The following ATP8B2 variants were observed in gnomAD, a reference collection of about 807,000 sequenced individuals.
ATP8B2 encodes the protein ATPase phospholipid transporting 8B2.
ATP8B2 carries 70 observed loss-of-function variants against 133.4 expected under a neutral mutation model. The observed-to-expected ratio is 0.52, with a 90% CI of 0.43 to 0.64. ATP8B2 has a LOEUF of 0.64. ATP8B2 is among the 30% of genes least tolerant of loss of function. The pLI, the probability that ATP8B2 is intolerant of heterozygous loss-of-function variation, is 0.00. For missense variants in ATP8B2, 1,101 were observed against 1,535.7 expected (o/e 0.72, Z 4.73); for synonymous variants, 517 against 589.5 (o/e 0.88, Z 1.78).
Position 154,345,096 on chromosome 1 carries a change from C to T in ATP8B2, c.2412C>T (p.Tyr804=), listed in dbSNP as rs879066640. Residue 804 remains tyrosine, a synonymous_variant, in exon 22 of 28, where the codon TAC becomes TAT. Coordinates refer to ENST00000368489, the MANE Select transcript of ATP8B2 (RefSeq NM_001370597.1). The surrounding 1 kb of genome is among the most constrained non-coding windows in gnomAD (Gnocchi z 5.6). ...AGGTGGTAGAACTGGTCAAGAAGTA[C>T]AAGAAGGCTGTGACGCTTGCCATTG... ...KAQVVELVKK[Y]KKAVTLAIGD... 13 of 1,614,082 alleles carry T rather than the reference C, an allele frequency of 8.1e-6. No homozygotes were observed. The South Asian group carries it at 1.3e-4, about 16-fold the overall frequency.
At chr1:154,338,023 C>T (rs932167880) in intron 12 of ATP8B2, among the ~76,000 whole-genome samples, 4 of 152,142 alleles carry the variant, frequency 2.6e-5, no homozygotes, top group African/African-American at 4.8e-5. Flanking sequence ...ATGGATAGGT[C>T]GAGGAGGGGA....
Position 154,332,600 on chromosome 1 carries a change from G to T in ATP8B2, c.510-18G>T. On this transcript the variant is annotated intron_variant, in intron 8 of 27. Transcript: ENST00000368489. ...AGGATGAGGAGGGAGCGGGGACTCA[G>T]AGATACTGTCCTTCCAGCGAGACCA... 6.4e-7 allele frequency: 1 copy of T among 1,569,470 alleles called. No homozygotes were observed. The highest frequency in any genetic ancestry group is 8.7e-7 in the Non-Finnish European group (1 of 1,153,872).
In ATP8B2 at chr1:154,345,635, TA is replaced by T; in HGVS notation, c.2694+91del. 1 of 1,372,324 alleles carries T rather than the reference TA, an allele frequency of 7.3e-7. No homozygotes were observed. The highest frequency in any genetic ancestry group is 1.0e-6 in the Non-Finnish European group (1 of 984,454). 85.0% of individuals were successfully genotyped at this position (1,372,324 alleles called of 1,614,324 possible). A position where few individuals can be genotyped will look rare whatever the true frequency, so the allele number is the denominator to read the frequency against. On this transcript the variant is annotated intron_variant, in intron 23 of 27. Transcript: ENST00000368489. The surrounding 1 kb of genome is among the most constrained non-coding windows in gnomAD (Gnocchi z 5.6). ...GTTTATCACTCAGTCCCCCAGGGCC[TA>T]GCTATTTTCTGGTACATACTCTTAA...
intron 13 of ATP8B2, chr1:154,341,387 G>A (rs1291850229): frequency 2.6e-6 from 1 of 388,578 alleles, no homozygotes; most frequent in Non-Finnish European, 4.9e-6. Flanking sequence ...CAGTGACTCA[G>A]GAGGCTGAGA....
In ATP8B2 at chr1:154,334,198, G is replaced by A. The variant is rs766500819; in HGVS notation, c.681G>A (p.Gln227=). The A allele has an allele frequency of 8.1e-6, 13 of 1,614,216 alleles. No homozygotes were observed. The highest frequency in any genetic ancestry group is 1.0e-5 in the Non-Finnish European group (12 of 1,180,050). ...WKENKFPLSN[Q]NMLLRGCVLR... Reference sequence around the variant, plus strand: ...AAAATAAGTTCCCTCTGAGCAACCAGAACATGCTGCTGCGGGGCTGTGTGC... The same window carrying A: ...AAAATAAGTTCCCTCTGAGCAACCAAAACATGCTGCTGCGGGGCTGTGTGC... The change falls in exon 10 of 28, where the codon CAG becomes CAA. Residue 227 remains glutamine, a synonymous_variant. Coordinates refer to ENST00000368489, the MANE Select transcript of ATP8B2 (RefSeq NM_001370597.1). This position sits in a 1 kb window ranked among gnomAD's most constrained non-coding sequence, Gnocchi z 4.6.
chr1:154,330,307 T>C, intron 2 of ATP8B2, 89 bp from the exon 3 acceptor site: 1 of 1,174,396 alleles, frequency 8.5e-7, no homozygotes, highest in South Asian at 1.3e-5. Flanking sequence ...TAAAATGATA[T>C]TCTGTGGAAA....
Position 154,345,248 on chromosome 1 carries a change from G to T in ATP8B2, c.2471-74G>T. On this transcript the variant is annotated intron_variant, in intron 22 of 27. Transcript: ENST00000368489. This position sits in a 1 kb window ranked among gnomAD's most constrained non-coding sequence, Gnocchi z 5.6. ...ACTGCAGAAGAATGACGGGAAGGGG[G>T]TTGTAACTTGGTAGGCTCTAAAGTG... is the stretch of plus-strand genomic sequence containing the variant. 6.2e-7 allele frequency: 1 copy of T among 1,603,002 alleles called. No individual in the cohort carries two copies. The highest frequency in any genetic ancestry group is 1.1e-5 in the South Asian group (1 of 90,354).
chr1:154,340,488 C>T lies in ATP8B2; in HGVS notation c.1035-366C>T, dbSNP rs188434855. The stretch of plus-strand genomic sequence containing the variant: ...TTCTCTCTCTCTTTTCTCTCCCCTC[C>T]CTCTGGCACTTTCTCTTGTTTTTCT... On this transcript the variant is annotated intron_variant, in intron 12 of 27. Transcript: ENST00000368489. This position sits in a 1 kb window ranked among gnomAD's most constrained non-coding sequence, Gnocchi z 4.0. 3.9e-4 allele frequency: 88 copies of T among 227,870 alleles called. No homozygotes were observed. The highest frequency in any genetic ancestry group is 1.7e-3 in the African/African-American group (75 of 43,348). 14.1% of individuals were successfully genotyped at this position (227,870 alleles called of 1,614,324 possible). A position where few individuals can be genotyped will look rare whatever the true frequency, so the allele number is the denominator to read the frequency against.
chr1:154,337,278 A>G lies in ATP8B2; in HGVS notation c.838-70A>G, dbSNP rs573488323. On this transcript the variant is annotated intron_variant, in intron 11 of 27. Transcript: ENST00000368489. Reference sequence around the variant, plus strand: ...TTTTGAGGGCTCAAGGGATGAATACATCACAGATGCACTTGGTTTTGAGGG... The same window carrying G: ...TTTTGAGGGCTCAAGGGATGAATACGTCACAGATGCACTTGGTTTTGAGGG... 7.8e-6 allele frequency: 12 copies of G among 1,534,164 alleles called. No individual in the cohort carries two copies. The African/African-American group carries it at 1.5e-4, about 19-fold the overall frequency.
intron 12 of ATP8B2, chr1:154,337,790 C>G: frequency 1.4e-6 from 2 of 1,403,014 alleles, no homozygotes; most frequent in Non-Finnish European, 1.9e-6. Flanking sequence ...TATTACATGC[C>G]TACTGTGTAC....
At chr1:154,348,688 G>T in intron 27 of ATP8B2, 150 bp downstream of exon 27, 1 of 1,389,524 alleles carries the variant, frequency 7.2e-7, no homozygotes, top group East Asian at 2.5e-5. Context: ...CTGTGCAGCT[G>T]GCCACAGAGG....
At chr1:154,329,254 G>A (rs917768185) in intron 2 of ATP8B2, among the ~76,000 whole-genome samples, 3 of 152,150 alleles carry the variant, frequency 2.0e-5, no homozygotes, top group Non-Finnish European at 2.9e-5. Context: ...TGGTGATTGC[G>A]CAGGGGACTT....
rs1480972424 is a variant in ATP8B2 at position 154,343,221 on chromosome 1, A to G, written c.1562A>G (p.His521Arg). ...CGCACCCCCAAAACAATCACCGTCC[A>G]TGAGATGGGCACAGCCATCACCTAC... The part of the protein sequence containing the change: ...RSRTPKTITV[H>R]EMGTAITYQL... Residue 521 changes from histidine to arginine, a missense_variant, in exon 16 of 28, where the codon CAT (histidine) becomes CGT (arginine). Physicochemically the swap from His to Arg is conservative, Grantham distance 29. Coordinates refer to ENST00000368489, the MANE Select transcript of ATP8B2 (RefSeq NM_001370597.1). The surrounding 1 kb of genome is among the most constrained non-coding windows in gnomAD (Gnocchi z 5.8). 3.1e-6 allele frequency: 5 copies of G among 1,614,008 alleles called. No homozygotes were observed. In the East Asian group the frequency reaches 1.1e-4, roughly 36 times the overall value.
intron 2 of ATP8B2, 64 bp from the exon 3 acceptor site, chr1:154,330,332 C>T: frequency 6.9e-7 from 1 of 1,455,894 alleles, no homozygotes; most frequent in Non-Finnish European, 9.6e-7. Flanking sequence ...CAGGGAACCC[C>T]CCAGCAAAGT....
intron 2 of ATP8B2, chr1:154,329,123 C>T (rs1685895998): frequency 8.3e-7 from 1 of 1,211,066 alleles, no homozygotes; most frequent in African/African-American, 1.6e-5. Context: ...ATTATTTCCC[C>T]CCTCCAATCC....
rs755275968 is a variant in ATP8B2 at position 154,343,456 on chromosome 1, G to A, written c.1646G>A (p.Arg549Gln). The stretch of plus-strand genomic sequence containing the variant: ...TCTTCACCTGCCCCATTCATAGTGC[G>A]GAATCCAGAGGGGAAGATCCGACTC... ...NIRKRMSVIV[R>Q]NPEGKIRLYC... The change falls in exon 17 of 28, where the codon CGG becomes CAG. Residue 549 changes from arginine (R) to glutamine (Q), a missense_variant. Transcript: ENST00000368489. The surrounding 1 kb of genome is among the most constrained non-coding windows in gnomAD (Gnocchi z 5.8). 7 of 1,613,984 alleles carry A rather than the reference G, an allele frequency of 4.3e-6. No homozygotes were observed. The South Asian group carries it at 4.4e-5, about 10-fold the overall frequency.
At position 154,343,371 on chromosome 1, in the gene ATP8B2, G is replaced by A; in HGVS notation, c.1642+70G>A. ...AGGCCTGGAATGGGTGAAGTGTGCC[G>A]GGTGACTCTTGATGTGTTTATGTTG... On this transcript the variant is annotated intron_variant, in intron 16 of 27. Transcript: ENST00000368489. This position sits in a 1 kb window ranked among gnomAD's most constrained non-coding sequence, Gnocchi z 5.8. 7 of 1,603,538 alleles carry A rather than the reference G, an allele frequency of 4.4e-6. No individual in the cohort carries two copies. The highest frequency in any genetic ancestry group is 2.2e-5 in the South Asian group (2 of 90,470).
chr1:154,332,156 G>T, intron 8 of ATP8B2, 132 bp downstream of exon 8: 1 of 846,056 alleles, frequency 1.2e-6, no homozygotes, highest in East Asian at 2.5e-5. Flanking sequence ...GGCTTTGGAT[G>T]GGATGTGTGA....
chr1:154,340,480 C>G lies in ATP8B2; in HGVS notation c.1035-374C>G, dbSNP rs1364507642. 1 of 222,882 alleles carries G rather than the reference C, an allele frequency of 4.5e-6. No individual in the cohort carries two copies. Among genetic ancestry groups the G allele is most frequent in the East Asian group, 1.2e-4 (1 of 8,692 alleles). The allele number at this position is 222,882 out of a possible 1,614,324, so 13.8% of individuals were successfully genotyped here. ...CTCATTATTTCTCTCTCTCTTTTCT[C>G]TCCCCTCCCTCTGGCACTTTCTCTT... On this transcript the variant is annotated intron_variant, in intron 12 of 27. Coordinates refer to ENST00000368489, the MANE Select transcript of ATP8B2 (RefSeq NM_001370597.1). This position sits in a 1 kb window ranked among gnomAD's most constrained non-coding sequence, Gnocchi z 4.0.
Sources: gnomAD v4.1 joint callset for allele counts (sites outside exome capture counted in the v4.1 genomes callset) on GRCh38, gnomAD v4.1.1 for gene constraint, Gnocchi (gnomAD v3.1) non-coding constraint, MANE v1.5 for transcripts, NCBI Gene and HGNC (gene_info 2026-07-23, HGNC 2026-07-21) for gene names.